WDR72: variants seen among roughly 807,000 people sequenced by gnomAD.
The protein encoded by WDR72 is WD repeat domain 72, also known as WD repeat-containing protein 72.
WDR72 carries 120 observed loss-of-function variants against 124.2 expected under a neutral mutation model. The observed-to-expected ratio is 0.97, with a 90% CI of 0.83 to 1.12. The LOEUF is 1.12. WDR72 is among the 50% of genes most tolerant of loss of function. The pLI, the probability that WDR72 is intolerant of heterozygous loss-of-function variation, is 0.00. For missense variants in WDR72, 1,387 were observed against 1,278.8 expected (o/e 1.08, Z -1.29); for synonymous variants, 452 against 441.7 (o/e 1.02, Z -0.29).
At chr15:53,549,873 C>T (rs1893655837) in intron 18 of WDR72, among the ~76,000 whole-genome samples, 1 of 152,104 alleles carries the variant, frequency 6.6e-6, no homozygotes, top group African/African-American at 2.4e-5. Context: ...AATTCAGGTG[C>T]CTAAACCGAA....
intron 18 of WDR72, among the ~76,000 whole-genome samples, chr15:53,540,640 G>C (rs946102372): frequency 1.3e-5 from 2 of 151,946 alleles, no homozygotes; most frequent in Non-Finnish European, 1.5e-5. Context: ...AACAGGAGGA[G>C]CCAAGATGGC....
At chr15:53,572,417 T>A (rs536103480) in intron 18 of WDR72, among the ~76,000 whole-genome samples, 827 of 72,102 alleles carry the variant, frequency 0.011, 7 homozygotes, top group African/African-American at 0.031. Context: ...AGATATATAT[T>A]TTTTTGCCCT....
intron 1 of WDR72, among the ~76,000 whole-genome samples, chr15:53,755,215 A>G (rs1385981869): frequency 1.3e-5 from 2 of 152,180 alleles, no homozygotes; most frequent in South Asian, 4.1e-4. Context: ...TCCTGTTTAT[A>G]TTTTTTTGTT....
chr15:53,738,773 A>G (rs1457099964), intron 1 of WDR72, among the ~76,000 whole-genome samples: 1 of 151,946 alleles, frequency 6.6e-6, no homozygotes, highest in Non-Finnish European at 1.5e-5. Context: ...TGCCTAGCTA[A>G]TTTTTTTATT....
chr15:53,665,400 T>A (rs971823202), intron 14 of WDR72, among the ~76,000 whole-genome samples, 172 bp downstream of exon 14: 1 of 152,336 alleles, frequency 6.6e-6, no homozygotes, highest in South Asian at 2.1e-4. Context: ...ATAGTAAGTA[T>A]AATAGTCACT....
chr15:53,702,253 A>C lies in WDR72; in HGVS notation c.1450T>G (p.Ser484Ala), dbSNP rs1323546526. The C allele has an allele frequency of 1.2e-6, 2 of 1,614,158 alleles. No homozygotes were observed. The highest frequency in any genetic ancestry group is 1.1e-5 in the South Asian group (1 of 91,080). ...ATCACACATGAGTCCAGGTCCCCAG[A>C]CAACATCCAACTTTGGTCTAATTTC... ...SSKLDQSWMLSGDLDSCVILW... is the reference protein window; with the variant it reads ...SSKLDQSWMLAGDLDSCVILW... Residue 484 changes from serine (S) to alanine (A), a missense_variant, in exon 12 of 20, where the codon TCT (serine) becomes GCT (alanine). Ser to Ala is a moderately conservative substitution (Grantham distance 99). Transcript: ENST00000360509.
chr15:53,645,763 G>C (rs557158600), intron 14 of WDR72, among the ~76,000 whole-genome samples: 7 of 152,198 alleles, frequency 4.6e-5, no homozygotes, highest in Admixed American at 1.3e-4. Flanking sequence ...AAATGATTAA[G>C]CATCAGCTTT....
At chr15:53,691,616 CAGACAGATAGATAGAT>C (rs201198526) in intron 13 of WDR72, among the ~76,000 whole-genome samples, 3,050 of 65,406 alleles carry the variant, frequency 0.047, 83 homozygotes, top group East Asian at 0.21. Context: ...GACAGACAGA[CAGACAGATAGATAGAT>C]AGATAGATAG....
intron 1 of WDR72, among the ~76,000 whole-genome samples, chr15:53,754,768 A>G (rs986148422): frequency 1.3e-5 from 2 of 152,172 alleles, no homozygotes; most frequent in Admixed American, 1.3e-4. Context: ...AGCAAGGGCA[A>G]CACCATCTCC....
Position 53,585,493 on chromosome 15 carries a change from C to G in WDR72, c.3148+11586G>C, listed in dbSNP as rs536808353. 4.6e-5 allele frequency among the ~76,000 whole-genome samples: 7 copies of G among 152,096 alleles called. No homozygotes were observed. The East Asian group carries it at 1.4e-3, about 30-fold the overall frequency. On this transcript the variant is annotated intron_variant, in intron 18 of 19. Transcript: ENST00000360509. ...TGAGATTTGGGTGGGGACACAGAGT[C>G]AAACCATATAATTGCGCTATTGGGT...
At chr15:53,758,791 G>A (rs1442943251) in intron 1 of WDR72, among the ~76,000 whole-genome samples, 1 of 127,508 alleles carries the variant, frequency 7.8e-6, no homozygotes, top group East Asian at 2.5e-4. Context: ...GGCGGTGCGG[G>A]CGGGGGAAGA....
intron 1 of WDR72, among the ~76,000 whole-genome samples, chr15:53,758,841 C>A (rs1280766094): frequency 1.4e-5 from 2 of 145,822 alleles, no homozygotes; most frequent in African/African-American, 5.0e-5. Flanking sequence ...AACAGAACGT[C>A]GTTAACTGTA....
chr15:53,713,878 A>G (rs71474850), intron 6 of WDR72, among the ~76,000 whole-genome samples: 5,914 of 152,306 alleles, frequency 0.039, 139 homozygotes, highest in Non-Finnish European at 0.049. Flanking sequence ...AGCTCAGCAT[A>G]CCATCACAAT....
intron 14 of WDR72, among the ~76,000 whole-genome samples, chr15:53,628,643 T>C (rs2014302735): frequency 6.6e-6 from 1 of 152,140 alleles, no homozygotes; most frequent in Non-Finnish European, 1.5e-5. Flanking sequence ...GAAATTACAG[T>C]AGATGCTTAC....
chr15:53,730,704 T>C (rs934417562), intron 2 of WDR72, among the ~76,000 whole-genome samples: 1 of 152,126 alleles, frequency 6.6e-6, no homozygotes, highest in Non-Finnish European at 1.5e-5. Flanking sequence ...AACCATGTAG[T>C]TACATCCTTT....
At chr15:53,722,704 T>A (rs988908998) in intron 3 of WDR72, 98 bp downstream of exon 3, 1 of 1,033,124 alleles carries the variant, frequency 9.7e-7, no homozygotes, top group African/African-American at 1.6e-5. Flanking sequence ...CACATGTTGA[T>A]CACAAAGGTT....
intron 18 of WDR72, among the ~76,000 whole-genome samples, chr15:53,593,033 C>T (rs2012584770): frequency 6.6e-6 from 1 of 152,018 alleles, no homozygotes; most frequent in African/African-American, 2.4e-5. Context: ...GGAGAAAACA[C>T]TAAAAAATAA....
At chr15:53,547,557 A>C (rs1328558332) in intron 18 of WDR72, among the ~76,000 whole-genome samples, 2 of 152,184 alleles carry the variant, frequency 1.3e-5, no homozygotes, top group African/African-American at 2.4e-5. Flanking sequence ...CAGTGGTTGT[A>C]AGAGCTAAAT....
At chr15:53,579,813 C>G (rs2011818871) in intron 18 of WDR72, among the ~76,000 whole-genome samples, 1 of 151,916 alleles carries the variant, frequency 6.6e-6, no homozygotes, top group Non-Finnish European at 1.5e-5. Context: ...CCTCCTGTCC[C>G]CTATAAAAAA....
Sources: allele counts gnomAD v4.1 joint callset (sites outside exome capture counted in the v4.1 genomes callset), GRCh38; gene constraint gnomAD v4.1.1; transcripts MANE v1.5; gene names NCBI Gene and HGNC (gene_info 2026-07-23, HGNC 2026-07-21).